B3GALT1: variants seen among roughly 807,000 people sequenced by gnomAD.
B3GALT1 encodes the protein beta-1,3-galactosyltransferase 1, also known as UDP-Gal:betaGlcNAc beta 1,3-galactosyltransferase, polypeptide 1.
A neutral mutation model predicts 23.2 loss-of-function variants in B3GALT1; 10 were observed. That is an observed-to-expected ratio of 0.43 (90% CI 0.27 to 0.73). The LOEUF (loss-of-function observed/expected upper bound fraction) is 0.73. B3GALT1 is among the 30% of genes least tolerant of loss of function. The pLI is 0.21. For missense variants in B3GALT1, 299 were observed against 405.4 expected (o/e 0.74, Z 2.25); for synonymous variants, 156 against 141.5 (o/e 1.10, Z -0.73).
intron 3 of B3GALT1, among the ~76,000 whole-genome samples, chr2:167,750,826 G>A (rs1213582966): frequency 6.6e-6 from 1 of 150,838 alleles, no homozygotes; most frequent in Non-Finnish European, 1.5e-5. Flanking sequence ...TACATATCAA[G>A]TCTTCCTGCC....
At chr2:167,609,674 G>A (rs533291676) in intron 2 of B3GALT1, among the ~76,000 whole-genome samples, 1 of 152,170 alleles carries the variant, frequency 6.6e-6, no homozygotes, top group Admixed American at 6.6e-5. Context: ...ACTATCTCCT[G>A]TATCTCATTG....
intron 2 of B3GALT1, among the ~76,000 whole-genome samples, chr2:167,603,331 A>G (rs1684906918): frequency 6.6e-6 from 1 of 152,174 alleles, no homozygotes; most frequent in Non-Finnish European, 1.5e-5. Context: ...TGCCAACTCC[A>G]TCTTCTTTAC....
At chr2:167,418,156 A>G (rs1189479885) in intron 1 of B3GALT1, among the ~76,000 whole-genome samples, 3 of 152,304 alleles carry the variant, frequency 2.0e-5, no homozygotes, top group African/African-American at 4.8e-5. Flanking sequence ...AGTCACTTGC[A>G]TTTATTGTTT....
chr2:167,721,526 T>G (rs1687235093), intron 3 of B3GALT1, among the ~76,000 whole-genome samples: 1 of 152,202 alleles, frequency 6.6e-6, no homozygotes, highest in Admixed American at 6.5e-5. Flanking sequence ...GTTTTCTTTC[T>G]GGATGCACTG....
intron 1 of B3GALT1, among the ~76,000 whole-genome samples, chr2:167,408,687 T>G (rs1002212030): frequency 2.6e-5 from 4 of 151,800 alleles, no homozygotes; most frequent in Admixed American, 2.6e-4. Context: ...CACTTATATA[T>G]GGCCAACAGC....
Position 167,869,973 on chromosome 2 carries a change from C to T in B3GALT1, c.934C>T (p.His312Tyr). The T allele has an allele frequency of 6.2e-7, 1 of 1,610,460 alleles. No individual in the cohort carries two copies. Among genetic ancestry groups the T allele is most frequent in the Non-Finnish European group, 8.5e-7 (1 of 1,177,128 alleles). Residue 312 changes from histidine (H) to tyrosine (Y), a missense_variant, in exon 5 of 5, where the codon CAC (histidine) becomes TAC (tyrosine). Physicochemically the swap from His to Tyr is moderately conservative, Grantham distance 83. Coordinates refer to ENST00000392690, the MANE Select transcript of B3GALT1 (RefSeq NM_020981.4). This position sits in a 1 kb window ranked among gnomAD's most constrained non-coding sequence, Gnocchi z 6.4. ...GCATCAGATCTCTCCAGAAGAAATG[C>T]ACAGAATCTGGAATGACATGTCAAG... ...TVHQISPEEM[H>Y]RIWNDMSSKK...
At chr2:167,691,901 C>T (rs1163564188) in intron 3 of B3GALT1, among the ~76,000 whole-genome samples, 1 of 152,080 alleles carries the variant, frequency 6.6e-6, no homozygotes, top group Non-Finnish European at 1.5e-5. Flanking sequence ...GCATATTACT[C>T]GTACATAAAG....
At chr2:167,605,267 C>A (rs1684943640) in intron 2 of B3GALT1, among the ~76,000 whole-genome samples, 2 of 152,214 alleles carry the variant, frequency 1.3e-5, no homozygotes, top group Admixed American at 1.3e-4. Context: ...TGCTGTGTAA[C>A]AAACTATCCC....
intron 1 of B3GALT1, among the ~76,000 whole-genome samples, chr2:167,424,909 T>C (rs1698601669): frequency 6.6e-6 from 1 of 152,166 alleles, no homozygotes; most frequent in Non-Finnish European, 1.5e-5. Context: ...GAAAGAGAAT[T>C]TTTTTCCCCA....
At chr2:167,434,030 T>G (rs1341743138) in intron 1 of B3GALT1, among the ~76,000 whole-genome samples, 1 of 151,258 alleles carries the variant, frequency 6.6e-6, no homozygotes, top group Non-Finnish European at 1.5e-5. Flanking sequence ...CAGAGCAAGA[T>G]TCTATCATAA....
intron 3 of B3GALT1, among the ~76,000 whole-genome samples, chr2:167,687,926 T>C (rs555885274): frequency 5.3e-5 from 8 of 152,132 alleles, no homozygotes; most frequent in Non-Finnish European, 1.0e-4. Flanking sequence ...GAGTCAAAAA[T>C]AGAAATCGTC....
At position 167,382,599 on chromosome 2, in the gene B3GALT1, C is replaced by A. The variant is rs535794623; in HGVS notation, c.-511+89265C>A. On this transcript the variant is annotated intron_variant, in intron 1 of 4. Coordinates refer to ENST00000392690, the MANE Select transcript of B3GALT1 (RefSeq NM_020981.4). ...GAAATCAGTACTTTTCAAAAAACAA[C>A]CACTTTTAGAAATACAAAAGGCAGA... 2.6e-5 allele frequency among the ~76,000 whole-genome samples: 4 copies of A among 152,270 alleles called. 1 individual carries two copies. In the South Asian group the frequency reaches 8.3e-4, roughly 32 times the overall value.
chr2:167,678,483 T>TG (rs948123826), intron 3 of B3GALT1, among the ~76,000 whole-genome samples: 7 of 151,854 alleles, frequency 4.6e-5, no homozygotes, highest in African/African-American at 1.7e-4. Context: ...ATTATTTTTT[T>TG]TAGCACCTAC....
intron 3 of B3GALT1, among the ~76,000 whole-genome samples, chr2:167,673,950 A>G (rs988340433): frequency 2.0e-5 from 3 of 152,104 alleles, no homozygotes; most frequent in African/African-American, 7.2e-5. Context: ...TGCATGATTA[A>G]TCATATAGTT....
intron 1 of B3GALT1, among the ~76,000 whole-genome samples, chr2:167,344,106 TG>T (rs1421415093): frequency 5.3e-5 from 8 of 152,180 alleles, no homozygotes; most frequent in African/African-American, 1.9e-4. Context: ...AAAATTATAA[TG>T]GATGAGTATG....
At chr2:167,312,504 C>T (rs1411216985) in intron 1 of B3GALT1, among the ~76,000 whole-genome samples, 3 of 151,804 alleles carry the variant, frequency 2.0e-5, no homozygotes, top group Non-Finnish European at 4.4e-5. Context: ...ACAAAGAACA[C>T]TCAGTCTAAA....
intron 3 of B3GALT1, among the ~76,000 whole-genome samples, chr2:167,656,319 A>G (rs1046530513): frequency 6.6e-6 from 1 of 152,172 alleles, no homozygotes; most frequent in Non-Finnish European, 1.5e-5. Context: ...GTAGATAATC[A>G]CAATAGATCC....
chr2:167,563,904 G>GGA (rs745728893), intron 2 of B3GALT1, among the ~76,000 whole-genome samples: 11,869 of 126,246 alleles, frequency 0.094, 1,385 homozygotes, highest in African/African-American at 0.26. Flanking sequence ...GCCGGGCGGG[G>GGA]CCGATCCCCC....
At position 167,724,715 on chromosome 2, in the gene B3GALT1, G is replaced by A. The variant is rs184411829; in HGVS notation, c.-352+77749G>A. ...AGAGAATTATACTTTACAAATCAGC[G>A]AGAAGATGACAGTGGCTGGCCCAAA... On this transcript the variant is annotated intron_variant, in intron 3 of 4. Transcript: ENST00000392690. 3.9e-5 allele frequency among the ~76,000 whole-genome samples: 6 copies of A among 152,206 alleles called. No homozygotes were observed. The East Asian group carries it at 5.8e-4, about 15-fold the overall frequency.
Sources: allele counts gnomAD v4.1 joint callset (sites outside exome capture counted in the v4.1 genomes callset), GRCh38; gene constraint gnomAD v4.1.1; non-coding constraint Gnocchi (gnomAD v3.1); transcripts MANE v1.5; gene names NCBI Gene and HGNC (gene_info 2026-07-23, HGNC 2026-07-21).